RBFOX1: variants seen among roughly 807,000 people sequenced by gnomAD.
RBFOX1 encodes RNA binding fox-1 homolog 1, also known as RNA binding protein fox-1 homolog 1.
Under a neutral mutation model 57.7 loss-of-function variants are expected in RBFOX1, and 8 were observed. That is an observed-to-expected ratio of 0.14 (90% CI 0.08 to 0.25). The LOEUF (loss-of-function observed/expected upper bound fraction) is 0.25. Ranked by LOEUF, RBFOX1 falls within the 10% of genes least tolerant of loss-of-function variation. The pLI, the probability that RBFOX1 is intolerant of heterozygous loss-of-function variation, is 1.00. For synonymous variants in RBFOX1, 326 were observed against 222.4 expected, an observed-to-expected ratio of 1.47 and a Z score of -4.15; for missense variants, 611 against 548.5, an observed-to-expected ratio of 1.11 and a Z score of -1.14.
intron 1 of RBFOX1, among the ~76,000 whole-genome samples, chr16:6,195,914 G>C (rs898906219): frequency 1.3e-5 from 2 of 152,030 alleles, no homozygotes; most frequent in African/African-American, 4.8e-5. Context: ...AGAGATAAAC[G>C]GGCTTGAGAA....
chr16:6,382,444 C>T (rs79424144), intron 2 of RBFOX1, among the ~76,000 whole-genome samples: 4,621 of 152,260 alleles, frequency 0.03, 257 homozygotes, highest in African/African-American at 0.11. Flanking sequence ...GATTTGGTAT[C>T]GGTAGGTCTT....
At chr16:5,331,343 A>T (rs1268297741) in intron 1 of RBFOX1, among the ~76,000 whole-genome samples, 2 of 152,136 alleles carry the variant, frequency 1.3e-5, no homozygotes, top group Non-Finnish European at 2.9e-5. Context: ...TCACCTCAAA[A>T]CTTCATAATT....
At chr16:7,373,981 G>T (rs1293237304) in intron 4 of RBFOX1, among the ~76,000 whole-genome samples, 1 of 152,132 alleles carries the variant, frequency 6.6e-6, no homozygotes, top group African/African-American at 2.4e-5. Flanking sequence ...GATGGGAATT[G>T]TCATAAATGA....
At chr16:7,454,560 G>A (rs1261855000) in intron 4 of RBFOX1, among the ~76,000 whole-genome samples, 2 of 152,178 alleles carry the variant, frequency 1.3e-5, no homozygotes, top group East Asian at 1.9e-4. Context: ...GAAGCCACCT[G>A]TTGGGTTATG....
chr16:6,766,354 C>T (rs75390004), intron 3 of RBFOX1, among the ~76,000 whole-genome samples: 1 of 151,772 alleles, frequency 6.6e-6, no homozygotes, highest in Non-Finnish European at 1.5e-5. Context: ...ATAACTTTTC[C>T]TACTTGAGCA....
At chr16:5,352,391 C>A (rs963900737) in intron 1 of RBFOX1, among the ~76,000 whole-genome samples, 3 of 152,196 alleles carry the variant, frequency 2.0e-5, no homozygotes. Flanking sequence ...TAATTTCAAA[C>A]CTGCAGAAAA....
intron 4 of RBFOX1, among the ~76,000 whole-genome samples, chr16:7,279,098 T>TG (rs2095494801): frequency 6.6e-6 from 1 of 151,924 alleles, no homozygotes; most frequent in South Asian, 2.1e-4. Flanking sequence ...TCTTTTTTTT[T>TG]TTTAATGTAC....
chr16:5,746,087 C>G (rs973761292), intron 3 of RBFOX1, among the ~76,000 whole-genome samples: 31 of 152,212 alleles, frequency 2.0e-4, no homozygotes, highest in African/African-American at 7.5e-4. Context: ...ACATTTAAGT[C>G]TTGAATCCAT....
At chr16:6,821,267 C>T (rs2091250265) in intron 3 of RBFOX1, among the ~76,000 whole-genome samples, 1 of 152,152 alleles carries the variant, frequency 6.6e-6, no homozygotes, top group African/African-American at 2.4e-5. Context: ...CTAACCAGGG[C>T]TATCACCTGG....
intron 3 of RBFOX1, among the ~76,000 whole-genome samples, chr16:5,712,115 TAC>T (rs776633273): frequency 5.9e-5 from 9 of 152,116 alleles, no homozygotes; most frequent in Non-Finnish European, 1.3e-4. Flanking sequence ...ATAAAACCAT[TAC>T]ATCTTGTGAG....
intron 4 of RBFOX1, among the ~76,000 whole-genome samples, chr16:7,452,606 T>C (rs75298502): frequency 0.011 from 1,605 of 152,264 alleles, 30 homozygotes; most frequent in African/African-American, 0.037. Flanking sequence ...ATGCATGAAA[T>C]GTATCAGGCA....
intron 4 of RBFOX1, among the ~76,000 whole-genome samples, chr16:5,950,742 G>C (rs547925599): frequency 3.3e-5 from 5 of 152,174 alleles, no homozygotes; most frequent in African/African-American, 1.2e-4. Context: ...TCATTTCAGG[G>C]CTGGGAGCCA....
At chr16:6,834,628 G>T (rs1239659818) in intron 3 of RBFOX1, among the ~76,000 whole-genome samples, 1 of 152,110 alleles carries the variant, frequency 6.6e-6, no homozygotes, top group Non-Finnish European at 1.5e-5. Flanking sequence ...CTAAGCAAGG[G>T]TAGACAGATT....
intron 2 of RBFOX1, among the ~76,000 whole-genome samples, chr16:6,414,452 G>C (rs1233650619): frequency 6.6e-6 from 1 of 152,212 alleles, no homozygotes; most frequent in Non-Finnish European, 1.5e-5. Context: ...CAGTAATTCT[G>C]ATCCTCATCC....
intron 1 of RBFOX1, among the ~76,000 whole-genome samples, chr16:5,321,088 G>A (rs1053862166): frequency 6.6e-6 from 1 of 152,148 alleles, no homozygotes; most frequent in Non-Finnish European, 1.5e-5. Context: ...AAGCACTGGA[G>A]ACTGAATACA....
chr16:6,965,225 C>G (rs923759362), intron 3 of RBFOX1, among the ~76,000 whole-genome samples: 1 of 152,018 alleles, frequency 6.6e-6, no homozygotes, highest in Non-Finnish European at 1.5e-5. Flanking sequence ...AAAAGGAAAG[C>G]ATTGCTTTGC....
intron 3 of RBFOX1, among the ~76,000 whole-genome samples, chr16:6,796,083 C>G (rs1204765997): frequency 6.7e-6 from 1 of 149,366 alleles, no homozygotes; most frequent in Non-Finnish European, 1.5e-5. Context: ...GTTTATTAGG[C>G]TTACATTTCC....
At chr16:7,130,721 G>A (rs1283567604) in intron 4 of RBFOX1, among the ~76,000 whole-genome samples, 3 of 152,276 alleles carry the variant, frequency 2.0e-5, no homozygotes, top group Non-Finnish European at 4.4e-5. Flanking sequence ...AAGTGTTCTC[G>A]AAGCCCATTC....
At chr16:6,025,547 C>T (rs915382597) in intron 1 of RBFOX1, among the ~76,000 whole-genome samples, 2 of 152,190 alleles carry the variant, frequency 1.3e-5, no homozygotes, top group Non-Finnish European at 2.9e-5. Flanking sequence ...ACCACCACAT[C>T]CTTTTGATGG....
Sources: allele counts gnomAD v4.1 joint callset (sites outside exome capture counted in the v4.1 genomes callset), GRCh38; gene constraint gnomAD v4.1.1; transcripts MANE v1.5; gene names NCBI Gene and HGNC (gene_info 2026-07-23, HGNC 2026-07-21).